Variants in CTIF observed in about 807,000 individuals in gnomAD.
CTIF encodes cap binding complex dependent translation initiation factor.
In CTIF, 21 loss-of-function variants were observed where a neutral mutation model predicts 66.0. That is an observed-to-expected ratio of 0.32 (90% CI 0.23 to 0.46). The LOEUF (loss-of-function observed/expected upper bound fraction) is 0.46, where lower values mean the gene tolerates loss of function less well. Ranked by LOEUF, CTIF falls within the 20% of genes least tolerant of loss-of-function variation. The probability of loss-of-function intolerance (pLI) is 1.00; values close to 1 mark genes in which losing one functional copy is unlikely to be tolerated. For missense variants in CTIF, 739 were observed against 812.7 expected, an observed-to-expected ratio of 0.91 and a Z score of 1.10; for synonymous variants, 345 against 326.4, an observed-to-expected ratio of 1.06 and a Z score of -0.62.
At chr18:48,600,792 T>C (rs1030178480) in intron 1 of CTIF, among the ~76,000 whole-genome samples, 3 of 152,174 alleles carry the variant, frequency 2.0e-5, no homozygotes, top group Middle Eastern at 3.4e-3. Flanking sequence ...AAATTCTTCA[T>C]TATCTTTTGC....
intron 3 of CTIF, among the ~76,000 whole-genome samples, chr18:48,649,397 G>A (rs2091112871): frequency 6.6e-6 from 1 of 152,268 alleles, no homozygotes; most frequent in South Asian, 2.1e-4. Flanking sequence ...GCCTGGAGGG[G>A]GAGGGGCGTC....
rs761006728 is a variant in CTIF at position 48,761,466 on chromosome 18, G to A, written c.1148G>A (p.Arg383Gln). 9.3e-6 allele frequency: 15 copies of A among 1,614,036 alleles called. No homozygotes were observed. Among genetic ancestry groups the A allele is most frequent in the Non-Finnish European group, 1.1e-5 (13 of 1,180,052 alleles). The change falls in exon 9 of 12, where the codon CGG becomes CAG. Residue 383 changes from arginine (R) to glutamine (Q), a missense_variant. Around this residue, in one of 2 missense-constraint regions of CTIF, gnomAD observed 529 missense variants for 520.3 expected, o/e 1.02. Transcript: ENST00000256413. This position sits in a 1 kb window ranked among gnomAD's most constrained non-coding sequence, Gnocchi z 4.2. ...CTGATCGAGATCCTGAACAGCATGC[G>A]GAACAACAGCAGCGACGTGGACACC... Reference protein sequence around the residue: ...DKLIEILNSMRNNSSDVDTKL... With the variant: ...DKLIEILNSMQNNSSDVDTKL...
At chr18:48,602,788 T>A (rs1354430012) in intron 1 of CTIF, among the ~76,000 whole-genome samples, 1 of 152,106 alleles carries the variant, frequency 6.6e-6, no homozygotes, top group Non-Finnish European at 1.5e-5. Flanking sequence ...GACATATGGG[T>A]GGATGGATGG....
At chr18:48,712,758 A>G (rs2092239999) in intron 7 of CTIF, among the ~76,000 whole-genome samples, 1 of 152,352 alleles carries the variant, frequency 6.6e-6, no homozygotes, top group Admixed American at 6.5e-5. Context: ...GGCTGAGACC[A>G]GGGTCTCTGA....
At chr18:48,802,812 T>C (rs2068073714) in intron 9 of CTIF, among the ~76,000 whole-genome samples, 1 of 152,230 alleles carries the variant, frequency 6.6e-6, no homozygotes, top group Non-Finnish European at 1.5e-5. Context: ...ACTAACGTCC[T>C]CCCTGAGGCT....
At chr18:48,753,322 A>G (rs1345815975) in intron 7 of CTIF, among the ~76,000 whole-genome samples, 1 of 152,254 alleles carries the variant, frequency 6.6e-6, no homozygotes, top group African/African-American at 2.4e-5. Flanking sequence ...GGCACTCAGA[A>G]TATCTAGTTG....
At chr18:48,796,289 TCAGCCTCCCGA>T (rs1374161393) in intron 9 of CTIF, among the ~76,000 whole-genome samples, 2 of 152,192 alleles carry the variant, frequency 1.3e-5, no homozygotes, top group African/African-American at 2.4e-5. Flanking sequence ...TTCTCCTGCC[TCAGCCTCCCGA>T]GTAGCTGGGA....
In CTIF at chr18:48,836,561, G is replaced by GCCCTCCAGGTCCCAACAT. The variant is rs1260051678; in HGVS notation, c.1527+19189_1527+19206dup. ...ATCCCCAACCAACCCCATCACTTCA[G>GCCCTCCAGGTCCCAACAT]CCCTCCAGGTCCCAACATCCCACCA... On this transcript the variant is annotated intron_variant, in intron 10 of 11. Transcript: ENST00000256413. Among the ~76,000 whole-genome samples, 8 of 152,254 alleles carry GCCCTCCAGGTCCCAACAT rather than the reference G, an allele frequency of 5.3e-5. No individual in the cohort carries two copies. The East Asian group carries it at 1.5e-3, about 29-fold the overall frequency.
At chr18:48,681,363 G>A (rs1370090649) in intron 6 of CTIF, among the ~76,000 whole-genome samples, 1 of 152,200 alleles carries the variant, frequency 6.6e-6, no homozygotes, top group South Asian at 2.1e-4. Flanking sequence ...TGAGTGAGTG[G>A]CCATTGGGTC....
At chr18:48,622,414 C>G (rs992889881) in intron 2 of CTIF, among the ~76,000 whole-genome samples, 1 of 151,456 alleles carries the variant, frequency 6.6e-6, no homozygotes, top group Admixed American at 6.6e-5. Flanking sequence ...GAGAGCGGGT[C>G]GTGAAACTCA....
At chr18:48,786,094 C>T (rs1911682574) in intron 9 of CTIF, among the ~76,000 whole-genome samples, 1 of 152,158 alleles carries the variant, frequency 6.6e-6, no homozygotes, top group Non-Finnish European at 1.5e-5. Flanking sequence ...CTGGATATAC[C>T]TGTACAGACC....
chr18:48,785,814 A>T (rs1009025449), intron 9 of CTIF, among the ~76,000 whole-genome samples: 1 of 152,170 alleles, frequency 6.6e-6, no homozygotes, highest in African/African-American at 2.4e-5. Context: ...TGCCCAGGCT[A>T]TGCCCCAAGC....
At chr18:48,718,622 C>A (rs147366235) in intron 7 of CTIF, among the ~76,000 whole-genome samples, 2,080 of 152,208 alleles carry the variant, frequency 0.014, 74 homozygotes, top group Admixed American at 0.085. Flanking sequence ...TGTTTGGGCC[C>A]TTGGCGGATT....
intron 1 of CTIF, among the ~76,000 whole-genome samples, chr18:48,549,704 C>CCTG (rs2088837836): frequency 6.6e-6 from 1 of 152,180 alleles, no homozygotes; most frequent in Non-Finnish European, 1.5e-5. Flanking sequence ...CCAGAATTCC[C>CCTG]CTGCTGAAGA....
At chr18:48,841,673 G>GGGCAGGCA (rs1395144978) in intron 10 of CTIF, among the ~76,000 whole-genome samples, 4 of 139,936 alleles carry the variant, frequency 2.9e-5, no homozygotes, top group African/African-American at 1.1e-4. Context: ...CCAGGCTGGT[G>GGGCAGGCA]GGCAGGCAGG....
chr18:48,726,905 C>T (rs144270863), intron 7 of CTIF, among the ~76,000 whole-genome samples: 172 of 152,264 alleles, frequency 1.1e-3, no homozygotes, highest in African/African-American at 3.9e-3. Context: ...TCACCCCTCC[C>T]AATGTCTCAT....
intron 3 of CTIF, among the ~76,000 whole-genome samples, chr18:48,652,339 G>A (rs1384510859): frequency 2.6e-5 from 4 of 152,206 alleles, no homozygotes; most frequent in African/African-American, 9.6e-5. Context: ...ACTACCATCA[G>A]AGAATACCAT....
chr18:48,793,990 C>T (rs1277752726), intron 9 of CTIF, among the ~76,000 whole-genome samples: 1 of 152,128 alleles, frequency 6.6e-6, no homozygotes, highest in East Asian at 1.9e-4. Context: ...CACCTGTTAC[C>T]TTCGCTTCTG....
chr18:48,729,522 A>G (rs77940906), intron 7 of CTIF, among the ~76,000 whole-genome samples: 3,442 of 152,296 alleles, frequency 0.023, 115 homozygotes, highest in African/African-American at 0.076. Context: ...GGGAGGCAGT[A>G]GGATGAGAGC....
Sources: gnomAD v4.1 joint callset for allele counts (sites outside exome capture counted in the v4.1 genomes callset) on GRCh38, gnomAD v4.1.1 for gene constraint, gnomAD v4.1.1 regional missense constraint, Gnocchi (gnomAD v3.1) non-coding constraint, MANE v1.5 for transcripts, NCBI Gene and HGNC (gene_info 2026-07-23, HGNC 2026-07-21) for gene names.